Variants in HPCAL1 observed in about 807,000 individuals in gnomAD.
HPCAL1 encodes hippocalcin-like protein 1.
In HPCAL1, 8 loss-of-function variants were observed where a neutral mutation model predicts 17.1. The observed-to-expected ratio is 0.47, with a 90% CI of 0.27 to 0.84. The LOEUF is 0.84. Ranked by LOEUF, HPCAL1 falls within the 40% of genes least tolerant of loss-of-function variation. The pLI, the probability that HPCAL1 is intolerant of heterozygous loss-of-function variation, is 0.13. For synonymous variants in HPCAL1, 112 were observed against 111.4 expected (o/e 1.01, Z -0.03); for missense variants, 165 against 271.1 (o/e 0.61, Z 2.75).
chr2:10,346,476 T>C (rs1313570264), intron 1 of HPCAL1, among the ~76,000 whole-genome samples: 1 of 152,174 alleles, frequency 6.6e-6, no homozygotes, highest in African/African-American at 2.4e-5. Context: ...GCTTTTTTCC[T>C]CTTTCAATTG....
intron 1 of HPCAL1, among the ~76,000 whole-genome samples, chr2:10,392,823 C>G (rs1668791951): frequency 6.6e-6 from 1 of 152,164 alleles, no homozygotes; most frequent in Non-Finnish European, 1.5e-5. Flanking sequence ...CGGAGAGGGG[C>G]CTAAGGCCTG....
Position 10,331,907 on chromosome 2 carries a change from C to T in HPCAL1, c.-111+28730C>T, listed in dbSNP as rs951241281. ...GTCACCTGTTGATTCAGAGGGAGCTCTCCTCATCACCTGTTGTCATTTATG... is the reference window on the plus strand; with the variant it reads ...GTCACCTGTTGATTCAGAGGGAGCTTTCCTCATCACCTGTTGTCATTTATG... On this transcript the variant is annotated intron_variant, in intron 1 of 4. Transcript: ENST00000307845. The surrounding 1 kb of genome is among the most constrained non-coding windows in gnomAD (Gnocchi z 5.0). Among the ~76,000 whole-genome samples, 2 of 151,972 alleles carry T rather than the reference C, an allele frequency of 1.3e-5. No individual in the cohort carries two copies. Among genetic ancestry groups the T allele is most frequent in the East Asian group, 3.9e-4 (2 of 5,174 alleles).
intron 1 of HPCAL1, among the ~76,000 whole-genome samples, chr2:10,348,839 A>T (rs1665642152): frequency 6.6e-6 from 1 of 152,160 alleles, no homozygotes; most frequent in Admixed American, 6.5e-5. Flanking sequence ...TTTGTCTGGT[A>T]TGATGTTCGT....
chr2:10,359,449 C>T lies in HPCAL1; in HGVS notation c.-110-37386C>T, dbSNP rs1231854367. Among the ~76,000 whole-genome samples, 5 of 152,250 alleles carry T rather than the reference C, an allele frequency of 3.3e-5. No homozygotes were observed. The highest frequency in any genetic ancestry group is 4.8e-5 in the African/African-American group (2 of 41,472). On this transcript the variant is annotated intron_variant, in intron 1 of 4. Transcript: ENST00000307845. The surrounding 1 kb of genome is among the most constrained non-coding windows in gnomAD (Gnocchi z 4.1). Reference sequence around the variant, plus strand: ...TGTCTTTGTTCCCAGAGGAAAGTCCCTGCAGGCCCCGGCCTCATGGCCTCT... The same window carrying T: ...TGTCTTTGTTCCCAGAGGAAAGTCCTTGCAGGCCCCGGCCTCATGGCCTCT...
intron 2 of HPCAL1, among the ~76,000 whole-genome samples, chr2:10,401,665 G>A (rs1669623367): frequency 6.6e-6 from 1 of 152,190 alleles, no homozygotes. Context: ...ATTACTGTGT[G>A]CTTCCTGTGT....
intron 1 of HPCAL1, among the ~76,000 whole-genome samples, chr2:10,385,848 C>A (rs552624579): frequency 1.3e-4 from 20 of 152,276 alleles, no homozygotes; most frequent in African/African-American, 4.8e-4. Context: ...CTTAATCCCC[C>A]ACTGCCCTGG....
intron 2 of HPCAL1, among the ~76,000 whole-genome samples, chr2:10,409,937 C>A (rs1277312858): frequency 6.6e-6 from 1 of 151,936 alleles, no homozygotes; most frequent in Non-Finnish European, 1.5e-5. Context: ...CTACCAGGTG[C>A]GTGCCACCGC....
chr2:10,423,067 C>A lies in HPCAL1; in HGVS notation c.463C>A (p.Gln155Lys). 6.2e-7 allele frequency: 1 copy of A among 1,612,364 alleles called. No individual in the cohort carries two copies. Among genetic ancestry groups the A allele is most frequent in the Non-Finnish European group, 8.5e-7 (1 of 1,178,854 alleles). ...PEKRTDKIFRQMDTNNDGKLS... is the reference protein window; with the variant it reads ...PEKRTDKIFRKMDTNNDGKLS... Reference sequence around the variant, plus strand: ...GAAGCGCACAGACAAGATCTTCAGGCAGATGGACACCAACAATGACGGTAG... The same window carrying A: ...GAAGCGCACAGACAAGATCTTCAGGAAGATGGACACCAACAATGACGGTAG... The change falls in exon 4 of 5, where the codon CAG becomes AAG. Residue 155 changes from glutamine (Q) to lysine (K), a missense_variant. Gln to Lys is a moderately conservative substitution (Grantham distance 53). Transcript: ENST00000307845.
chr2:10,334,092 C>T (rs1327379221), intron 1 of HPCAL1, among the ~76,000 whole-genome samples: 1 of 152,204 alleles, frequency 6.6e-6, no homozygotes, highest in African/African-American at 2.4e-5. Flanking sequence ...AGCCACTCTG[C>T]GGAGGGAAGT....
intron 1 of HPCAL1, among the ~76,000 whole-genome samples, chr2:10,351,359 T>C (rs879816140): frequency 1.3e-5 from 2 of 152,228 alleles, no homozygotes; most frequent in Non-Finnish European, 2.9e-5. Flanking sequence ...TAGGCAAATC[T>C]GTAGAGACAG....
At chr2:10,338,157 T>C (rs1005108561) in intron 1 of HPCAL1, among the ~76,000 whole-genome samples, 1 of 152,002 alleles carries the variant, frequency 6.6e-6, no homozygotes, top group African/African-American at 2.4e-5. Context: ...AGAAAATAGA[T>C]TCGTGATTGC....
At position 10,341,993 on chromosome 2, in the gene HPCAL1, A is replaced by G. The variant is rs547790307; in HGVS notation, c.-111+38816A>G. Reference sequence around the variant, plus strand: ...CAACATAGTGAGACTCTGTCTCTAGATAAAGTTTTTTTTTTTTTTTTAAAT... The same window carrying G: ...CAACATAGTGAGACTCTGTCTCTAGGTAAAGTTTTTTTTTTTTTTTTAAAT... On this transcript the variant is annotated intron_variant, in intron 1 of 4. Transcript: ENST00000307845. 1.4e-4 allele frequency among the ~76,000 whole-genome samples: 21 copies of G among 151,468 alleles called. No homozygotes were observed. In the East Asian group the frequency reaches 3.3e-3, roughly 24 times the overall value.
At chr2:10,315,670 A>T (rs1031298115) in intron 1 of HPCAL1, among the ~76,000 whole-genome samples, 1 of 152,228 alleles carries the variant, frequency 6.6e-6, no homozygotes, top group Non-Finnish European at 1.5e-5. Flanking sequence ...TCTTCGCTGC[A>T]CTGAAATTCA....
chr2:10,309,570 C>T (rs1265280198), intron 1 of HPCAL1, among the ~76,000 whole-genome samples: 1 of 152,158 alleles, frequency 6.6e-6, no homozygotes, highest in African/African-American at 2.4e-5. Flanking sequence ...GGCATGAGTG[C>T]TGTGTGACAC....
At chr2:10,329,873 C>CT (rs1397324074) in intron 1 of HPCAL1, among the ~76,000 whole-genome samples, 3 of 152,322 alleles carry the variant, frequency 2.0e-5, no homozygotes, top group South Asian at 2.1e-4. Flanking sequence ...AGATTTGCTG[C>CT]TTTTTTTCTA....
chr2:10,357,533 C>T (rs1007610917), intron 1 of HPCAL1, among the ~76,000 whole-genome samples: 8 of 152,158 alleles, frequency 5.3e-5, no homozygotes, highest in Non-Finnish European at 7.3e-5. Context: ...GGCTTTAGAT[C>T]GTCGCCTGTG....
chr2:10,388,662 A>G (rs933172528), intron 1 of HPCAL1, among the ~76,000 whole-genome samples: 5 of 152,144 alleles, frequency 3.3e-5, no homozygotes, highest in African/African-American at 9.7e-5. Flanking sequence ...TCCTACAACA[A>G]TTGTGCTTAA....
chr2:10,307,010 G>A (rs1337570988), intron 1 of HPCAL1, among the ~76,000 whole-genome samples: 4 of 152,130 alleles, frequency 2.6e-5, no homozygotes, highest in Non-Finnish European at 5.9e-5. Context: ...TTCTAATCCC[G>A]CAGCTGGGTT....
At chr2:10,421,012 C>A (rs115980136) in intron 3 of HPCAL1, among the ~76,000 whole-genome samples, 1,576 of 152,286 alleles carry the variant, frequency 0.01, 23 homozygotes, top group African/African-American at 0.035. Context: ...CTGCCTTCAG[C>A]CTCCCAAAGT....
Sources: allele counts gnomAD v4.1 joint callset (sites outside exome capture counted in the v4.1 genomes callset), GRCh38; gene constraint gnomAD v4.1.1; non-coding constraint Gnocchi (gnomAD v3.1); transcripts MANE v1.5; gene names NCBI Gene and HGNC (gene_info 2026-07-23, HGNC 2026-07-21).